TRIM23: variants seen among roughly 807,000 people sequenced by gnomAD.
The protein encoded by TRIM23 is tripartite motif containing 23, also known as E3 ubiquitin-protein ligase TRIM23.
A neutral mutation model predicts 71.0 loss-of-function variants in TRIM23; 27 were observed. The ratio of observed to expected loss-of-function variants is 0.38; its 90% CI spans 0.28 to 0.52. TRIM23 has a LOEUF of 0.52. Ranked by LOEUF, TRIM23 falls within the 20% of genes least tolerant of loss-of-function variation. TRIM23 has a pLI of 0.84. For synonymous variants in TRIM23, 234 were observed against 238.0 expected (o/e 0.98, Z 0.16); for missense variants, 482 against 692.3 (o/e 0.70, Z 3.41).
Position 65,590,639 on chromosome 5 carries a change from TTTTA to T in TRIM23, c.*1126_*1129del. On this transcript the variant is annotated 3_prime_UTR_variant, in exon 11 of 11. Transcript: ENST00000231524. ...ATGAAAAACAGTAAAGAGCACACATTTTTATTTACTCACAACACTGAATAATTAA... is the reference window on the plus strand; with the variant it reads ...ATGAAAAACAGTAAAGAGCACACATTTTTACTCACAACACTGAATAATTAA... 1.0e-6 allele frequency: 1 copy of T among 989,690 alleles called. No homozygotes were observed. The highest frequency in any genetic ancestry group is 1.2e-6 in the Non-Finnish European group (1 of 828,776). 61.3% of individuals were successfully genotyped at this position (989,690 alleles called of 1,614,324 possible). A position where few individuals can be genotyped will look rare whatever the true frequency, so the allele number is the denominator to read the frequency against.
intron 10 of TRIM23, among the ~76,000 whole-genome samples, chr5:65,594,038 A>G (rs1754123128): frequency 6.6e-6 from 1 of 152,212 alleles, no homozygotes; most frequent in Non-Finnish European, 1.5e-5. Flanking sequence ...CTGTTATTCT[A>G]AATTCTCTTC....
intron 7 of TRIM23, among the ~76,000 whole-genome samples, chr5:65,597,849 G>C (rs552637731): frequency 6.6e-6 from 1 of 152,144 alleles, no homozygotes; most frequent in Admixed American, 6.5e-5. Flanking sequence ...CTAGCTGCAT[G>C]ATTTCTCTGC....
At chr5:65,616,306 C>G (rs1475758968) in intron 2 of TRIM23, among the ~76,000 whole-genome samples, 1 of 152,162 alleles carries the variant, frequency 6.6e-6, no homozygotes, top group Non-Finnish European at 1.5e-5. Context: ...AGGATAGTAA[C>G]TCTTCACATT....
chr5:65,594,374 C>T, intron 10 of TRIM23, 147 bp downstream of exon 10: 1 of 1,094,482 alleles, frequency 9.1e-7, no homozygotes, highest in Admixed American at 2.6e-5. Context: ...AGGTACCCAG[C>T]ACAGCATTTT....
At chr5:65,607,893 C>A (rs778570949) in intron 6 of TRIM23, among the ~76,000 whole-genome samples, 2 of 152,064 alleles carry the variant, frequency 1.3e-5, no homozygotes, top group Non-Finnish European at 1.5e-5. Flanking sequence ...CAAAGATGAA[C>A]AAGATGCATC....
At chr5:65,603,567 G>A (rs1754417018) in intron 7 of TRIM23, among the ~76,000 whole-genome samples, 1 of 152,042 alleles carries the variant, frequency 6.6e-6, no homozygotes. Flanking sequence ...ATTTTCTATG[G>A]GGAATGAAGT....
chr5:65,618,081 T>C lies in TRIM23; in HGVS notation c.244+12A>G, dbSNP rs201600108. 1.6e-4 allele frequency: 260 copies of C among 1,587,602 alleles called. No homozygotes were observed. The African/African-American group carries it at 3.4e-3, about 20-fold the overall frequency. On this transcript the variant is annotated intron_variant, in intron 2 of 10. Transcript: ENST00000231524. The stretch of plus-strand genomic sequence containing the variant: ...ATTTTCAATCTTAAATCCATACAAA[T>C]ACTTTTCCTACCTAGGTCTGTTACT...
At chr5:65,599,102 A>G (rs910747009) in intron 7 of TRIM23, among the ~76,000 whole-genome samples, 3 of 152,156 alleles carry the variant, frequency 2.0e-5, no homozygotes, top group African/African-American at 7.2e-5. Flanking sequence ...AAAGACATCC[A>G]AATTGTAAAG....
intron 6 of TRIM23, 48 bp downstream of exon 6, chr5:65,609,195 T>A (rs535548168): frequency 6.4e-7 from 1 of 1,573,502 alleles, no homozygotes; most frequent in African/African-American, 1.4e-5. Context: ...CTGGTAATTA[T>A]CTACTTAAAC....
Position 65,591,105 on chromosome 5 carries a change from A to AATTGGGTAACATTTCACTCCCTC in TRIM23, c.*641_*663dup, listed in dbSNP as rs1754010039. ...AGTTTATTACTAACCTGACAAGCCT[A>AATTGGGTAACATTTCACTCCCTC]ATTGGGTAACATTTCACTCCCTCAT... is the stretch of plus-strand genomic sequence containing the variant. On this transcript the variant is annotated 3_prime_UTR_variant, in exon 11 of 11. Coordinates refer to ENST00000231524, the MANE Select transcript of TRIM23 (RefSeq NM_001656.4). 9.7e-7 allele frequency: 1 copy of AATTGGGTAACATTTCACTCCCTC among 1,026,822 alleles called. No homozygotes were observed. Among genetic ancestry groups the AATTGGGTAACATTTCACTCCCTC allele is most frequent in the Admixed American group, 6.0e-5 (1 of 16,672 alleles). The allele number at this position is 1,026,822 out of a possible 1,614,324, so 63.6% of individuals were successfully genotyped here.
intron 6 of TRIM23, among the ~76,000 whole-genome samples, chr5:65,608,208 G>A (rs1318030811): frequency 1.3e-5 from 2 of 152,086 alleles, no homozygotes; most frequent in East Asian, 1.9e-4. Context: ...TCAAACCTCC[G>A]AGAAGGGTGG....
At chr5:65,622,485 T>C (rs919786127) in intron 1 of TRIM23, among the ~76,000 whole-genome samples, 45 of 152,322 alleles carry the variant, frequency 3.0e-4, no homozygotes, top group African/African-American at 1.1e-3. Flanking sequence ...CTAGCCACAA[T>C]ATCAGATTTT....
chr5:65,596,069 C>T (rs1187361559), intron 9 of TRIM23, among the ~76,000 whole-genome samples: 1 of 152,088 alleles, frequency 6.6e-6, no homozygotes. Flanking sequence ...CTGAATTCAG[C>T]AGAATCATAC....
chr5:65,591,202 A>C lies in TRIM23; in HGVS notation c.*567T>G. On this transcript the variant is annotated 3_prime_UTR_variant, in exon 11 of 11. Transcript: ENST00000231524. The stretch of plus-strand genomic sequence containing the variant: ...ATAAAGTATTAATTTTCTGTACCTT[A>C]TAGTTCTTAGCATTAAAGGTGTTCT... The C allele has an allele frequency of 8.4e-7, 1 of 1,191,052 alleles. No homozygotes were observed. The highest frequency in any genetic ancestry group is 1.0e-6 in the Non-Finnish European group (1 of 959,712). The allele number at this position is 1,191,052 out of a possible 1,614,324, so 73.8% of individuals were successfully genotyped here.
intron 1 of TRIM23, among the ~76,000 whole-genome samples, chr5:65,621,176 TC>T (rs1000692680): frequency 2.0e-5 from 3 of 151,992 alleles, no homozygotes; most frequent in African/African-American, 7.3e-5. Context: ...CGTGGTGAAA[TC>T]CCATCTCTAC....
chr5:65,591,347 G>C lies in TRIM23; in HGVS notation c.*422C>G. The stretch of plus-strand genomic sequence containing the variant: ...GCTGCCAACATTCAGTGAAAAGGCA[G>C]GTTAAAAGAAGCAGCTATACTTCAC... On this transcript the variant is annotated 3_prime_UTR_variant, in exon 11 of 11. Coordinates refer to ENST00000231524, the MANE Select transcript of TRIM23 (RefSeq NM_001656.4). 1.4e-6 allele frequency: 2 copies of C among 1,473,996 alleles called. No individual in the cohort carries two copies. Among genetic ancestry groups the C allele is most frequent in the Non-Finnish European group, 1.8e-6 (2 of 1,115,240 alleles). 91.3% of individuals were successfully genotyped at this position (1,473,996 alleles called of 1,614,324 possible). A position where few individuals can be genotyped will look rare whatever the true frequency, so the allele number is the denominator to read the frequency against.
Position 65,591,064 on chromosome 5 carries a change from A to C in TRIM23, c.*705T>G. ...TAAATTCAGATCCAATTACTTCCAC[A>C]GTTTTATTACTGTTCAGTTTATTAC... On this transcript the variant is annotated 3_prime_UTR_variant, in exon 11 of 11. Transcript: ENST00000231524. 1.0e-6 allele frequency: 1 copy of C among 991,310 alleles called. No homozygotes were observed. Among genetic ancestry groups the C allele is most frequent in the Non-Finnish European group, 1.2e-6 (1 of 834,028 alleles). The allele number at this position is 991,310 out of a possible 1,614,324, so 61.4% of individuals were successfully genotyped here.
chr5:65,613,862 TATG>T, intron 3 of TRIM23: 1 of 1,419,914 alleles, frequency 7.0e-7, no homozygotes. Context: ...AGAACTGAAT[TATG>T]ATAAGGAAAA....
chr5:65,594,414 G>C lies in TRIM23; in HGVS notation c.1545+107C>G, dbSNP rs1037472598. 12 of 1,351,886 alleles carry C rather than the reference G, an allele frequency of 8.9e-6. 1 individual carries two copies. The Middle Eastern group carries it at 7.9e-4, about 89-fold the overall frequency. 83.7% of individuals were successfully genotyped at this position (1,351,886 alleles called of 1,614,324 possible). On this transcript the variant is annotated intron_variant, in intron 10 of 10. Transcript: ENST00000231524. ...TAGATTGTACTCAAAATACACAGAA[G>C]AAACTATAAATATCTATTGAACTGA... is the stretch of plus-strand genomic sequence containing the variant.
Sources: gnomAD v4.1 joint callset for allele counts (sites outside exome capture counted in the v4.1 genomes callset) on GRCh38, gnomAD v4.1.1 for gene constraint, MANE v1.5 for transcripts, NCBI Gene and HGNC (gene_info 2026-07-23, HGNC 2026-07-21) for gene names.